TRIM45: variants seen among roughly 807,000 people sequenced by gnomAD.
The protein encoded by TRIM45 is tripartite motif containing 45.
A neutral mutation model predicts 46.7 loss-of-function variants in TRIM45; 45 were observed. The observed-to-expected ratio is 0.96, with a 90% confidence interval of 0.76 to 1.24. TRIM45 has a LOEUF of 1.24. Among genes scored for constraint, TRIM45 ranks in the 50% most tolerant of loss-of-function variants. The pLI is 0.00. For missense variants in TRIM45, 680 were observed against 728.4 expected (o/e 0.93, Z 0.77); for synonymous variants, 259 against 285.8 (o/e 0.91, Z 0.94).
chr1:117,115,438 G>A lies in TRIM45; in HGVS notation c.1467+137C>T. 2 of 640,894 alleles carry A rather than the reference G, an allele frequency of 3.1e-6. No individual in the cohort carries two copies. Among genetic ancestry groups the A allele is most frequent in the East Asian group, 2.8e-5 (1 of 36,330 alleles). The allele number at this position is 640,894 out of a possible 1,614,324, so 39.7% of individuals were successfully genotyped here. ...AGGAAGAATAAGAGTAGCAAAATCTGGGCTGTTTCTAAAGTGAAGAAGAAG... is the reference window on the plus strand; with the variant it reads ...AGGAAGAATAAGAGTAGCAAAATCTAGGCTGTTTCTAAAGTGAAGAAGAAG... On this transcript the variant is annotated intron_variant, in intron 4 of 5. Transcript: ENST00000256649. The surrounding 1 kb of genome is among the most constrained non-coding windows in gnomAD (Gnocchi z 4.2).
At position 117,115,275 on chromosome 1, in the gene TRIM45, C is replaced by T. The variant is rs894479787; in HGVS notation, c.1467+300G>A. On this transcript the variant is annotated intron_variant, in intron 4 of 5. Transcript: ENST00000256649. This position sits in a 1 kb window ranked among gnomAD's most constrained non-coding sequence, Gnocchi z 4.2. The stretch of plus-strand genomic sequence containing the variant: ...TTGAATATGCATGGTTGTCTGCTGG[C>T]AGATCACCCCCTGTGATCAAGACAT... Among the ~76,000 whole-genome samples, 3 of 152,238 alleles carry T rather than the reference C, an allele frequency of 2.0e-5. No individual in the cohort carries two copies. Among genetic ancestry groups the T allele is most frequent in the Admixed American group, 1.3e-4 (2 of 15,294 alleles).
Position 117,118,247 on chromosome 1 carries a change from T to G in TRIM45, c.1009A>C (p.Ser337Arg), listed in dbSNP as rs1650477571. 4 of 1,614,128 alleles carry G rather than the reference T, an allele frequency of 2.5e-6. No individual in the cohort carries two copies. The highest frequency in any genetic ancestry group is 3.4e-6 in the Non-Finnish European group (4 of 1,180,052). Residue 337 changes from serine (S) to arginine (R), a missense_variant, in exon 2 of 6, where the codon AGC (serine) becomes CGC (arginine). Transcript: ENST00000256649. This position sits in a 1 kb window ranked among gnomAD's most constrained non-coding sequence, Gnocchi z 5.7. ...ATGAGGATCTCCAAGTCTGAGCCGC[T>G]GGTCAGCAAGTGCTCGGTGAACTCC... ...GVEFTEHLLTSGSDLEILITK... is the reference protein window; with the variant it reads ...GVEFTEHLLTRGSDLEILITK...
In TRIM45 at chr1:117,121,401, C is replaced by G; in HGVS notation, c.-200G>C. ...CACCCACAGATCTACTCAGGAGGGCCCCCTCCTTTCCACTGCATCCCACAC... is the reference window on the plus strand; with the variant it reads ...CACCCACAGATCTACTCAGGAGGGCGCCCTCCTTTCCACTGCATCCCACAC... On this transcript the variant is annotated 5_prime_UTR_variant, in exon 1 of 6. Transcript: ENST00000256649. This position sits in a 1 kb window ranked among gnomAD's most constrained non-coding sequence, Gnocchi z 4.2. 1 of 598,266 alleles carries G rather than the reference C, an allele frequency of 1.7e-6. No individual in the cohort carries two copies. The highest frequency in any genetic ancestry group is 2.8e-6 in the Non-Finnish European group (1 of 352,862). 37.1% of individuals were successfully genotyped at this position (598,266 alleles called of 1,614,324 possible). A position where few individuals can be genotyped will look rare whatever the true frequency, so the allele number is the denominator to read the frequency against.
At position 117,112,351 on chromosome 1, in the gene TRIM45, C is replaced by T. The variant is rs1234223010; in HGVS notation, c.1697G>A (p.Gly566Asp). The T allele has an allele frequency of 6.2e-7, 1 of 1,613,966 alleles. No individual in the cohort carries two copies. Among genetic ancestry groups the T allele is most frequent in the Non-Finnish European group, 8.5e-7 (1 of 1,179,930 alleles). The change falls in exon 6 of 6, where the codon GGT (glycine) becomes GAT (aspartate). Residue 566 changes from glycine (G) to aspartate (D), a missense_variant. Around this residue, in one of 3 missense-constraint regions of TRIM45, gnomAD observed 322 missense variants for 359.3 expected, o/e 0.90. Transcript: ENST00000256649. The stretch of plus-strand genomic sequence containing the variant: ...TAGACTCCTCGGTGCGCTCTGCCCA[C>T]CTGTCCATGTGCATTCAGATTTCTC... Reference protein sequence around the residue: ...FNEKSECTWTGGQSAPRSLLR... With the variant: ...FNEKSECTWTDGQSAPRSLLR...
rs1181826223 is a variant in TRIM45, at chr1:117,121,168, C to G, written c.34G>C (p.Val12Leu). ...GCAGTCCCACTAGTGAGTTTGCTTA[C>G]AAAGCCCAGCAGCGGTTTTCTGTTT... ...SENRKPLLGF[V>L]SKLTSGTALG... The change falls in exon 1 of 6, where the codon GTA (valine) becomes CTA (leucine). Residue 12 changes from valine (V) to leucine (L), a missense_variant. Val to Leu is a conservative substitution (Grantham distance 32). Coordinates refer to ENST00000256649, the MANE Select transcript of TRIM45 (RefSeq NM_025188.4). This position sits in a 1 kb window ranked among gnomAD's most constrained non-coding sequence, Gnocchi z 4.2. The G allele has an allele frequency of 2.5e-6, 4 of 1,579,588 alleles. No individual in the cohort carries two copies.
chr1:117,118,587 G>C lies in TRIM45; in HGVS notation c.669C>G (p.Pro223=), dbSNP rs558692456. ...GGATGACATTGCTGGTGAAGTCACA[G>C]GGGTGTTCCCGATGCTCCCCCACCA... ...DCVVGEHREH[P]CDFTSNVIHK... is the part of the protein sequence containing the mutation. The change falls in exon 2 of 6, where the codon CCC becomes CCG. Residue 223 remains proline, a synonymous_variant. Coordinates refer to ENST00000256649, the MANE Select transcript of TRIM45 (RefSeq NM_025188.4). This position sits in a 1 kb window ranked among gnomAD's most constrained non-coding sequence, Gnocchi z 5.7. 1.2e-5 allele frequency: 20 copies of C among 1,614,166 alleles called. No homozygotes were observed. Among genetic ancestry groups the C allele is most frequent in the African/African-American group, 1.1e-4 (8 of 75,036 alleles).
At position 117,116,963 on chromosome 1, in the gene TRIM45, G is replaced by C. The variant is rs569718123; in HGVS notation, c.1223-218C>G. ...GCTAGCAGCTGCTTTGGATCACACA[G>C]GATCCTGGACCTTACCTTCAGTCCT... On this transcript the variant is annotated intron_variant, in intron 2 of 5. Transcript: ENST00000256649. This position sits in a 1 kb window ranked among gnomAD's most constrained non-coding sequence, Gnocchi z 4.6. Among the ~76,000 whole-genome samples the C allele has an allele frequency of 2.3e-4, 35 of 152,116 alleles. No individual in the cohort carries two copies. Among genetic ancestry groups the C allele is most frequent in the African/African-American group, 8.0e-4 (33 of 41,504 alleles).
Position 117,121,317 on chromosome 1 carries a change from G to A in TRIM45, c.-116C>T. The A allele has an allele frequency of 7.9e-6, 10 of 1,271,960 alleles. 1 individual carries two copies. Among genetic ancestry groups the A allele is most frequent in the Non-Finnish European group, 1.1e-5 (10 of 933,518 alleles). The allele number at this position is 1,271,960 out of a possible 1,614,324, so 78.8% of individuals were successfully genotyped here. On this transcript the variant is annotated 5_prime_UTR_variant, in exon 1 of 6. Coordinates refer to ENST00000256649, the MANE Select transcript of TRIM45 (RefSeq NM_025188.4). The surrounding 1 kb of genome is among the most constrained non-coding windows in gnomAD (Gnocchi z 4.2). Reference sequence around the variant, plus strand: ...TCCAGAACTTGAACAGAGACCATGGGGACTCCCTCGCTGACAAATAAAAGG... The same window carrying A: ...TCCAGAACTTGAACAGAGACCATGGAGACTCCCTCGCTGACAAATAAAAGG...
rs1650240511 is a variant in TRIM45, at chr1:117,112,238, A to T, written c.*67T>A. 7.1e-7 allele frequency: 1 copy of T among 1,413,838 alleles called. No individual in the cohort carries two copies. The highest frequency in any genetic ancestry group is 1.5e-5 in the African/African-American group (1 of 68,778). The allele number at this position is 1,413,838 out of a possible 1,614,324, so 87.6% of individuals were successfully genotyped here. ...CTATCAGTCTCTTTAGAATGAACGA[A>T]GGTCTGGGTCCTCTGGAAATCTCAA... On this transcript the variant is annotated 3_prime_UTR_variant, in exon 6 of 6. Coordinates refer to ENST00000256649, the MANE Select transcript of TRIM45 (RefSeq NM_025188.4).
chr1:117,114,315 ATTTAT>A (rs1367651466), intron 4 of TRIM45, among the ~76,000 whole-genome samples: 1 of 152,188 alleles, frequency 6.6e-6, no homozygotes, highest in Non-Finnish European at 1.5e-5. Context: ...AACAAAAAAT[ATTTAT>A]TTATTTTTTT....
rs1234435787 is a variant in TRIM45 at position 117,116,715 on chromosome 1, G to A, written c.1253C>T (p.Ala418Val). 21 of 1,613,998 alleles carry A rather than the reference G, an allele frequency of 1.3e-5. No homozygotes were observed. Among genetic ancestry groups the A allele is most frequent in the Non-Finnish European group, 1.6e-5 (19 of 1,180,016 alleles). The stretch of plus-strand genomic sequence containing the variant: ...ATCCTTACAAAGCAGGGTGAAAGAG[G>A]CCGTCTGTTTCTCCCGGGCTCTGTG... The part of the protein sequence containing the change: ...DLHRAREKQT[A>V]SFTLLCKDAA... Residue 418 changes from alanine to valine, a missense_variant, in exon 3 of 6, where the codon GCC becomes GTC. Transcript: ENST00000256649. The surrounding 1 kb of genome is among the most constrained non-coding windows in gnomAD (Gnocchi z 4.6).
In TRIM45 at chr1:117,116,641, C is replaced by T. The variant is rs374186718; in HGVS notation, c.1327G>A (p.Val443Ile). The change falls in exon 3 of 6, where the codon GTT (valine) becomes ATT (isoleucine). Residue 443 changes from valine (V) to isoleucine (I), a missense_variant. Physicochemically the swap from Val to Ile is conservative, Grantham distance 29. Coordinates refer to ENST00000256649, the MANE Select transcript of TRIM45 (RefSeq NM_025188.4). This position sits in a 1 kb window ranked among gnomAD's most constrained non-coding sequence, Gnocchi z 4.6. ...CTGTCTTTCTTATCTTTAGGGACAA[C>T]GGCAACTTGAACGTTGTCTCCTCCC... is the stretch of plus-strand genomic sequence containing the variant. ...GRGGDNVQVA[V>I]VPKDKKDSPV... 3.0e-5 allele frequency: 48 copies of T among 1,613,768 alleles called. No homozygotes were observed. Among genetic ancestry groups the T allele is most frequent in the Middle Eastern group, 1.7e-4 (1 of 5,986 alleles).
chr1:117,120,998 G>C lies in TRIM45; in HGVS notation c.204C>G (p.Asp68Glu). Residue 68 changes from aspartate to glutamate, a missense_variant, in exon 1 of 6, where the codon GAC (aspartate) becomes GAG (glutamate). Transcript: ENST00000256649. ...TTGACCCCTCAGAGCTTGTGTCAGA[G>C]TCTCCCCCTCGGATGTCCACTACTG... ...PFSVVDIRGG[D>E]SDTSSEGSIF... The C allele has an allele frequency of 6.2e-7, 1 of 1,614,172 alleles. No homozygotes were observed. The highest frequency in any genetic ancestry group is 8.5e-7 in the Non-Finnish European group (1 of 1,180,030).
rs201531846 is a variant in TRIM45 at position 117,121,089 on chromosome 1, G to A, written c.113C>T (p.Ala38Val). 1.3e-4 allele frequency: 202 copies of A among 1,614,000 alleles called. 1 individual carries two copies. Among genetic ancestry groups the A allele is most frequent in the Middle Eastern group, 1.2e-3 (7 of 6,052 alleles). Residue 38 changes from alanine to valine, a missense_variant, in exon 1 of 6, where the codon GCC becomes GTC. By Grantham distance (64) the Ala-to-Val change is moderately conservative. Around this residue, in one of 3 missense-constraint regions of TRIM45, gnomAD observed 349 missense variants for 343.6 expected, o/e 1.02. Coordinates refer to ENST00000256649, the MANE Select transcript of TRIM45 (RefSeq NM_025188.4). This position sits in a 1 kb window ranked among gnomAD's most constrained non-coding sequence, Gnocchi z 4.2. Reference protein sequence around the residue: ...HCPLCLGLFKAPRLLPCLHTV... With the variant: ...HCPLCLGLFKVPRLLPCLHTV... ...ATGCAAACAAGGCAAGAGCCTGGGG[G>A]CTTTGAAAAGCCCCAAGCACAGGGG...
In TRIM45 at chr1:117,113,415, A is replaced by G; in HGVS notation, c.1538T>C (p.Phe513Ser). The G allele has an allele frequency of 6.2e-7, 1 of 1,612,484 alleles. No homozygotes were observed. The highest frequency in any genetic ancestry group is 8.5e-7 in the Non-Finnish European group (1 of 1,179,966). ...PHSGVFHCCT[F>S]CSSGGQKTAR... Reference sequence around the variant, plus strand: ...GGTTTTCTGGCCCCCGCTGGAGCAGAAGGTGCAGCAGTGAAACACGCCTGA... The same window carrying G: ...GGTTTTCTGGCCCCCGCTGGAGCAGGAGGTGCAGCAGTGAAACACGCCTGA... Residue 513 changes from phenylalanine (F) to serine (S), a missense_variant, in exon 5 of 6, where the codon TTC (phenylalanine) becomes TCC (serine). This residue lies in a region of TRIM45 where 322 missense variants were observed against 359.3 expected (regional missense o/e 0.90). Coordinates refer to ENST00000256649, the MANE Select transcript of TRIM45 (RefSeq NM_025188.4). This position sits in a 1 kb window ranked among gnomAD's most constrained non-coding sequence, Gnocchi z 4.0.
At chr1:117,122,987 G>A (rs750412309), upstream of TRIM45, among the ~76,000 whole-genome samples, 8 of 150,694 alleles carry the variant, frequency 5.3e-5, no homozygotes, top group South Asian at 2.1e-4. Flanking sequence ...CATAGTGTCT[G>A]GAGCCTAAGC....
Position 117,115,615 on chromosome 1 carries a change from A to T in TRIM45, c.1427T>A (p.Val476Asp), listed in dbSNP as rs141546364. 1.5e-5 allele frequency: 24 copies of T among 1,614,116 alleles called. No individual in the cohort carries two copies. The highest frequency in any genetic ancestry group is 1.9e-5 in the Non-Finnish European group (23 of 1,180,000). ...TTTGATGCAGACCCACACAGTATAG[A>T]CGCCAGGTTCCTTGGGGGTGTAGGA... The part of the protein sequence containing the change: ...YISYTPKEPG[V>D]YTVWVCIKEQ... The change falls in exon 4 of 6, where the codon GTC becomes GAC. Residue 476 changes from valine to aspartate, a missense_variant. This residue lies in a region of TRIM45 where 322 missense variants were observed against 359.3 expected (regional missense o/e 0.90). Coordinates refer to ENST00000256649, the MANE Select transcript of TRIM45 (RefSeq NM_025188.4). The surrounding 1 kb of genome is among the most constrained non-coding windows in gnomAD (Gnocchi z 4.2).
chr1:117,121,086 G>T lies in TRIM45; in HGVS notation c.116C>A (p.Pro39His). 1 of 1,613,986 alleles carries T rather than the reference G, an allele frequency of 6.2e-7. No homozygotes were observed. Among genetic ancestry groups the T allele is most frequent in the Non-Finnish European group, 8.5e-7 (1 of 1,179,986 alleles). ...TGTATGCAAACAAGGCAAGAGCCTG[G>T]GGGCTTTGAAAAGCCCCAAGCACAG... ...CPLCLGLFKA[P>H]RLLPCLHTVC... Residue 39 changes from proline to histidine, a missense_variant, in exon 1 of 6, where the codon CCC (proline) becomes CAC (histidine). Pro to His is a moderately conservative substitution (Grantham distance 77, BLOSUM62 -2). This residue lies in a region of TRIM45 where 349 missense variants were observed against 343.6 expected (regional missense o/e 1.02). Coordinates refer to ENST00000256649, the MANE Select transcript of TRIM45 (RefSeq NM_025188.4). The surrounding 1 kb of genome is among the most constrained non-coding windows in gnomAD (Gnocchi z 4.2).
At chr1:117,119,274 T>C (rs1382533902) in intron 1 of TRIM45, among the ~76,000 whole-genome samples, 1 of 152,216 alleles carries the variant, frequency 6.6e-6, no homozygotes, top group East Asian at 1.9e-4. Context: ...ATCAGCAGGC[T>C]AGAATTTTTT....
Sources: gnomAD v4.1 joint callset for allele counts (sites outside exome capture counted in the v4.1 genomes callset) on GRCh38, gnomAD v4.1.1 for gene constraint, gnomAD v4.1.1 regional missense constraint, Gnocchi (gnomAD v3.1) non-coding constraint, MANE v1.5 for transcripts, NCBI Gene and HGNC (gene_info 2026-07-23, HGNC 2026-07-21) for gene names.